The following IRAK1BP1 variants were observed in gnomAD, a reference collection of about 807,000 sequenced individuals.
The protein encoded by IRAK1BP1 is interleukin-1 receptor-associated kinase 1-binding protein 1.
IRAK1BP1 carries 24 observed loss-of-function variants against 28.0 expected under a neutral mutation model. The observed-to-expected ratio is 0.86, with a 90% CI of 0.62 to 1.20. The LOEUF (loss-of-function observed/expected upper bound fraction) is 1.20, where lower values mean the gene tolerates loss of function less well. Among genes scored for constraint, IRAK1BP1 ranks in the 50% most tolerant of loss-of-function variants. IRAK1BP1 has a pLI of 0.00. For synonymous variants in IRAK1BP1, 131 were observed against 116.3 expected (o/e 1.13, Z -0.81); for missense variants, 336 against 316.7 (o/e 1.06, Z -0.46).
rs1447092075 is a variant in IRAK1BP1 at position 78,902,730 on chromosome 6, C to T, written c.*4396C>T. The T allele has an allele frequency of 1.2e-5, 4 of 336,100 alleles. No individual in the cohort carries two copies. The highest frequency in any genetic ancestry group is 6.3e-5 in the African/African-American group (3 of 47,578). The allele number at this position is 336,100 out of a possible 1,614,324, so 20.8% of individuals were successfully genotyped here. On this transcript the variant is annotated 3_prime_UTR_variant, in exon 4 of 4. Transcript: ENST00000369940. ...AGCTTACAGTGAGCCGAGATCGCAC[C>T]ACTGCACTTCAGCCTGGGTGACAAA...
At chr6:78,916,849 C>T (rs942713131) in intron 4 of IRAK1BP1, among the ~76,000 whole-genome samples, 7 of 151,736 alleles carry the variant, frequency 4.6e-5, no homozygotes, top group African/African-American at 4.8e-5. Flanking sequence ...GAGGCTGAGG[C>T]GGGAGAATTG....
At chr6:78,969,406 A>C in the IRAK1BP1 span, among the ~76,000 whole-genome samples, 2 of 152,284 alleles carry the variant, frequency 1.3e-5, no homozygotes, top group East Asian at 3.9e-4. Context: ...ACTTTTACAG[A>C]TTTTAGTTTC....
chr6:78,933,846 T>C (rs183646088), intron 4 of IRAK1BP1, among the ~76,000 whole-genome samples: 1 of 152,262 alleles, frequency 6.6e-6, no homozygotes, highest in African/African-American at 2.4e-5. Flanking sequence ...TGCTTTCTTA[T>C]CATTCATATG....
Position 78,901,962 on chromosome 6 carries a change from A to T in IRAK1BP1, c.*3628A>T, listed in dbSNP as rs1476601502. 6.6e-6 allele frequency: 1 copy of T among 152,236 alleles called. No individual in the cohort carries two copies. The highest frequency in any genetic ancestry group is 1.5e-5 in the Non-Finnish European group (1 of 68,038). 9.4% of individuals were successfully genotyped at this position (152,236 alleles called of 1,614,324 possible). A position where few individuals can be genotyped will look rare whatever the true frequency, so the allele number is the denominator to read the frequency against. On this transcript the variant is annotated 3_prime_UTR_variant, in exon 4 of 4. Coordinates refer to ENST00000369940, the MANE Select transcript of IRAK1BP1 (RefSeq NM_001010844.4). ...AAGAATTTAATAGTAAGGAGTTCTT[A>T]TAGCCTATAAAAAGCATGAATTATG...
chr6:78,946,302 T>A (rs771053990), exon 5 of IRAK1BP1: 3 of 1,547,962 alleles, frequency 1.9e-6, no homozygotes, highest in Admixed American at 2.0e-5. Flanking sequence ...TATAGCTCTA[T>A]GTGAACGAAT....
At chr6:78,961,557 A>G in the IRAK1BP1 span, 1 of 804,724 alleles carries the variant, frequency 1.2e-6, no homozygotes, top group South Asian at 1.6e-5. Flanking sequence ...AAGATTCTAC[A>G]TTTTAACATA....
chr6:78,892,270 T>C (rs949996166), intron 2 of IRAK1BP1, among the ~76,000 whole-genome samples: 2 of 152,206 alleles, frequency 1.3e-5, no homozygotes, highest in African/African-American at 2.4e-5. Flanking sequence ...GTTCTACTTA[T>C]GATTTGGCCA....
At chr6:78,934,275 G>A (rs1488211392) in intron 4 of IRAK1BP1, among the ~76,000 whole-genome samples, 3 of 152,164 alleles carry the variant, frequency 2.0e-5, no homozygotes, top group Non-Finnish European at 4.4e-5. Context: ...GATAGAATGA[G>A]ATTTTAAAAG....
At chr6:78,920,268 C>T (rs776494739) in intron 4 of IRAK1BP1, among the ~76,000 whole-genome samples, 1 of 151,880 alleles carries the variant, frequency 6.6e-6, no homozygotes, top group Non-Finnish European at 1.5e-5. Flanking sequence ...AAAAATTTTA[C>T]AAAATTTGAA....
chr6:78,966,728 T>C, the IRAK1BP1 span, among the ~76,000 whole-genome samples: 7 of 152,362 alleles, frequency 4.6e-5, no homozygotes, highest in Admixed American at 1.3e-4. Context: ...CTATGGCTTT[T>C]TCTTATCTAA....
rs558485728 is a variant in IRAK1BP1, at chr6:78,895,625, T to A, written c.382-2204T>A. Among the ~76,000 whole-genome samples the A allele has an allele frequency of 4.6e-5, 7 of 152,226 alleles. No individual in the cohort carries two copies. The South Asian group carries it at 1.4e-3, about 32-fold the overall frequency. The stretch of plus-strand genomic sequence containing the variant: ...TGGTCAATCTAATTCACTACATTAA[T>A]AAACTGAAAAAAATCACATGATTAT... On this transcript the variant is annotated intron_variant, in intron 2 of 3. Coordinates refer to ENST00000369940, the MANE Select transcript of IRAK1BP1 (RefSeq NM_001010844.4).
At chr6:78,880,994 T>TA (rs1771210128) in intron 1 of IRAK1BP1, among the ~76,000 whole-genome samples, 1 of 152,290 alleles carries the variant, frequency 6.6e-6, no homozygotes, top group South Asian at 2.1e-4. Context: ...AATATAGACT[T>TA]ACCATAGAAG....
chr6:78,969,320 T>A, the IRAK1BP1 span, among the ~76,000 whole-genome samples: 5 of 152,228 alleles, frequency 3.3e-5, no homozygotes, highest in Non-Finnish European at 7.3e-5. Context: ...TGGTCCTATA[T>A]GAAATTTTTA....
chr6:78,928,531 G>T (rs1055043490), intron 4 of IRAK1BP1, among the ~76,000 whole-genome samples: 2 of 151,966 alleles, frequency 1.3e-5, no homozygotes, highest in African/African-American at 4.8e-5. Flanking sequence ...TTGTCTGATT[G>T]CTCTAGCCAG....
At chr6:78,915,465 C>T (rs978253947) in intron 4 of IRAK1BP1, among the ~76,000 whole-genome samples, 3 of 152,156 alleles carry the variant, frequency 2.0e-5, no homozygotes, top group Non-Finnish European at 2.9e-5. Context: ...GATCAAGGCC[C>T]GAGCAGCTGC....
At chr6:78,979,076 T>G in the IRAK1BP1 span, among the ~76,000 whole-genome samples, 1 of 152,016 alleles carries the variant, frequency 6.6e-6, no homozygotes, top group African/African-American at 2.4e-5. Context: ...CACATGCAAA[T>G]ACTATATGCC....
At chr6:78,869,368 A>T (rs1770710729) in intron 1 of IRAK1BP1, among the ~76,000 whole-genome samples, 1 of 152,160 alleles carries the variant, frequency 6.6e-6, no homozygotes, top group South Asian at 2.1e-4. Context: ...AAAAATACAA[A>T]AATTAGGTGG....
intron 4 of IRAK1BP1, among the ~76,000 whole-genome samples, chr6:78,934,311 G>T (rs1299991988): frequency 6.6e-6 from 1 of 152,214 alleles, no homozygotes; most frequent in African/African-American, 2.4e-5. Flanking sequence ...TTACCAAAAT[G>T]TGACACATGA....
At chr6:78,925,594 T>A (rs539306308) in intron 4 of IRAK1BP1, among the ~76,000 whole-genome samples, 8 of 152,284 alleles carry the variant, frequency 5.3e-5, no homozygotes, top group Non-Finnish European at 1.0e-4. Flanking sequence ...CTGGTAGGAA[T>A]GTAAATTAGT....
Sources: gnomAD v4.1 joint callset for allele counts (sites outside exome capture counted in the v4.1 genomes callset) on GRCh38, gnomAD v4.1.1 for gene constraint, MANE v1.5 for transcripts, NCBI Gene and HGNC (gene_info 2026-07-23, HGNC 2026-07-21) for gene names.